Variants in PRKCE observed in about 807,000 individuals in gnomAD.
The protein encoded by PRKCE is protein kinase C epsilon type.
A neutral mutation model predicts 85.4 loss-of-function variants in PRKCE; 16 were observed. That is an observed-to-expected ratio of 0.19 (90% confidence interval 0.13 to 0.28). The LOEUF is 0.28. PRKCE is among the 10% of genes least tolerant of loss of function. The pLI is 1.00. For missense variants in PRKCE, 573 were observed against 975.2 expected (o/e 0.59, Z 5.49); for synonymous variants, 388 against 371.5 (o/e 1.04, Z -0.51).
intron 10 of PRKCE, among the ~76,000 whole-genome samples, chr2:46,015,169 G>T (rs1194160344): frequency 3.9e-5 from 6 of 152,108 alleles, no homozygotes; most frequent in Admixed American, 1.3e-4. Flanking sequence ...CCAGTTCCCA[G>T]GTTCCCATTC....
At chr2:46,036,498 G>C (rs1009295953) in intron 10 of PRKCE, among the ~76,000 whole-genome samples, 1 of 152,174 alleles carries the variant, frequency 6.6e-6, no homozygotes, top group Non-Finnish European at 1.5e-5. Flanking sequence ...GCTGAGGTGG[G>C]AGGGTCACTA....
chr2:45,983,906 C>A (rs1247053039), intron 5 of PRKCE, among the ~76,000 whole-genome samples: 1 of 150,898 alleles, frequency 6.6e-6, no homozygotes, highest in African/African-American at 2.4e-5. Context: ...CTAGGTGGGG[C>A]TTCCAGGCAC....
chr2:45,931,857 C>G (rs1358207524), intron 2 of PRKCE, among the ~76,000 whole-genome samples: 1 of 152,120 alleles, frequency 6.6e-6, no homozygotes, highest in Non-Finnish European at 1.5e-5. Flanking sequence ...CAGGCACCTG[C>G]TGCCACACTC....
At position 45,843,136 on chromosome 2, in the gene PRKCE, C is replaced by G. The variant is rs551587527; in HGVS notation, c.412+73C>G. 49 of 1,340,150 alleles carry G rather than the reference C, an allele frequency of 3.7e-5. No individual in the cohort carries two copies. The East Asian group carries it at 5.0e-4, about 14-fold the overall frequency. 83.0% of individuals were successfully genotyped at this position (1,340,150 alleles called of 1,614,324 possible). On this transcript the variant is annotated intron_variant, in intron 2 of 14. Coordinates refer to ENST00000306156, the MANE Select transcript of PRKCE (RefSeq NM_005400.3). ...GCCTTCTGGGTCTCTTCTTTCCCCC[C>G]CTTGGCCGGAACACATTATAGTGAC...
chr2:45,770,011 C>T (rs540027933), intron 1 of PRKCE, among the ~76,000 whole-genome samples: 4 of 152,368 alleles, frequency 2.6e-5, no homozygotes, highest in African/African-American at 4.8e-5. Context: ...TGCCCAGGTG[C>T]ACACTCACAC....
chr2:45,893,444 T>G (rs4953287), intron 2 of PRKCE, among the ~76,000 whole-genome samples: 55,914 of 150,962 alleles, frequency 0.37, 10,665 homozygotes, highest in East Asian at 0.56. Flanking sequence ...CTCGGCTCAC[T>G]GCAACCTCTG....
intron 10 of PRKCE, among the ~76,000 whole-genome samples, chr2:46,018,052 A>C (rs764885134): frequency 1.2e-3 from 177 of 152,340 alleles, no homozygotes; most frequent in Non-Finnish European, 2.1e-4. Context: ...ATTTTACATG[A>C]ACTCAATGAG....
At chr2:45,980,506 A>G (rs941529512) in intron 5 of PRKCE, 125 bp downstream of exon 5, 38 of 901,258 alleles carry the variant, frequency 4.2e-5, no homozygotes, top group Non-Finnish European at 6.0e-5. Flanking sequence ...GTGTTGATAA[A>G]AAAACAAAGG....
At chr2:45,750,572 G>A (rs890478483) in intron 1 of PRKCE, among the ~76,000 whole-genome samples, 3 of 152,216 alleles carry the variant, frequency 2.0e-5, no homozygotes, top group African/African-American at 7.2e-5. Context: ...TGACTTCTCT[G>A]AGTCTGTCAA....
At chr2:46,173,021 G>C (rs1479567176) in intron 14 of PRKCE, among the ~76,000 whole-genome samples, 1 of 152,230 alleles carries the variant, frequency 6.6e-6, no homozygotes, top group Non-Finnish European at 1.5e-5. Flanking sequence ...CACAAACACA[G>C]TACACTGTTC....
chr2:45,911,612 C>T (rs951409215), intron 2 of PRKCE, among the ~76,000 whole-genome samples: 2 of 152,178 alleles, frequency 1.3e-5, no homozygotes, highest in African/African-American at 2.4e-5. Context: ...ACTCCTCAGT[C>T]TCTGTCAGTC....
Position 45,786,360 on chromosome 2 carries a change from G to A in PRKCE, c.349-56640G>A, listed in dbSNP as rs146010290. On this transcript the variant is annotated intron_variant, in intron 1 of 14. Transcript: ENST00000306156. This position sits in a 1 kb window ranked among gnomAD's most constrained non-coding sequence, Gnocchi z 5.3. ...TTCAAGTGACAGTTGCTGTTTAACC[G>A]CCTCATCCGTGGGGTTCCAAGAAAA... is the stretch of plus-strand genomic sequence containing the variant. Among the ~76,000 whole-genome samples, 368 of 152,228 alleles carry A rather than the reference G, an allele frequency of 2.4e-3. 3 individuals carry two copies. The highest frequency in any genetic ancestry group is 8.5e-3 in the African/African-American group (353 of 41,540).
At chr2:46,002,401 A>G (rs1002695127) in intron 7 of PRKCE, among the ~76,000 whole-genome samples, 1 of 152,212 alleles carries the variant, frequency 6.6e-6, no homozygotes, top group Non-Finnish European at 1.5e-5. Context: ...GTACCTCTGC[A>G]ATCTTCCGCC....
At chr2:46,132,937 C>A (rs1024440119) in intron 11 of PRKCE, among the ~76,000 whole-genome samples, 1 of 152,338 alleles carries the variant, frequency 6.6e-6, no homozygotes, top group African/African-American at 2.4e-5. Flanking sequence ...GGAAGACGTG[C>A]CTTCCCTACA....
chr2:45,945,549 A>G (rs1271045191), intron 2 of PRKCE, among the ~76,000 whole-genome samples: 2 of 152,174 alleles, frequency 1.3e-5, no homozygotes, highest in African/African-American at 4.8e-5. Flanking sequence ...GGAGAGGACA[A>G]ACGTCGAAAC....
chr2:45,754,855 G>A (rs1683872879), intron 1 of PRKCE, among the ~76,000 whole-genome samples: 1 of 152,238 alleles, frequency 6.6e-6, no homozygotes, highest in Non-Finnish European at 1.5e-5. Context: ...TGCTAGGAGA[G>A]GCTGCCAGCA....
intron 2 of PRKCE, among the ~76,000 whole-genome samples, chr2:45,924,444 C>T (rs925688290): frequency 1.3e-5 from 2 of 152,290 alleles, no homozygotes; most frequent in South Asian, 4.1e-4. Flanking sequence ...GGAAAGGAAG[C>T]ATTCTTCACT....
At chr2:45,720,998 T>C (rs1248958002) in intron 1 of PRKCE, among the ~76,000 whole-genome samples, 2 of 152,074 alleles carry the variant, frequency 1.3e-5, no homozygotes, top group Non-Finnish European at 2.9e-5. Context: ...TCCCAGCTAC[T>C]TGGGAGGCTG....
chr2:46,072,212 G>A (rs970669183), intron 10 of PRKCE, among the ~76,000 whole-genome samples: 9 of 152,182 alleles, frequency 5.9e-5, no homozygotes, highest in South Asian at 2.1e-4. Context: ...CCTCTTCAGC[G>A]TGCCTTCAGC....
Sources: gnomAD v4.1 joint callset for allele counts (sites outside exome capture counted in the v4.1 genomes callset) on GRCh38, gnomAD v4.1.1 for gene constraint, Gnocchi (gnomAD v3.1) non-coding constraint, MANE v1.5 for transcripts, NCBI Gene and HGNC (gene_info 2026-07-23, HGNC 2026-07-21) for gene names.